PPP2R5E: variants seen among roughly 807,000 people sequenced by gnomAD.
The protein encoded by PPP2R5E is protein phosphatase 2 regulatory subunit B'epsilon.
In PPP2R5E, 4 loss-of-function variants were observed where a neutral mutation model predicts 65.3. That is an observed-to-expected ratio of 0.06 (90% CI 0.03 to 0.14). The LOEUF (loss-of-function observed/expected upper bound fraction) is 0.14, where lower values mean the gene tolerates loss of function less well. Among genes scored for constraint, PPP2R5E ranks in the 10% least tolerant of loss-of-function variants. The probability of loss-of-function intolerance (pLI) is 1.00; values close to 1 mark genes in which losing one functional copy is unlikely to be tolerated. For synonymous variants in PPP2R5E, 183 were observed against 187.4 expected (o/e 0.98, Z 0.19); for missense variants, 274 against 556.1 (o/e 0.49, Z 5.10).
At chr14:63,480,923 G>A (rs1358917597) in intron 2 of PPP2R5E, among the ~76,000 whole-genome samples, 1 of 152,098 alleles carries the variant, frequency 6.6e-6, no homozygotes, top group East Asian at 1.9e-4. Context: ...TTCCCTCCCT[G>A]TCACCAAACA....
chr14:63,409,244 CAAAT>C (rs1236848826), intron 5 of PPP2R5E, among the ~76,000 whole-genome samples: 1 of 148,694 alleles, frequency 6.7e-6, no homozygotes, highest in Non-Finnish European at 1.5e-5. Context: ...AAAAAACAAT[CAAAT>C]AAACAAAAAA....
chr14:63,448,714 C>T (rs920728617), intron 3 of PPP2R5E, among the ~76,000 whole-genome samples: 4 of 147,142 alleles, frequency 2.7e-5, no homozygotes, highest in East Asian at 2.1e-4. Context: ...GCTTAAACCC[C>T]GGAGGCGGGA....
intron 2 of PPP2R5E, among the ~76,000 whole-genome samples, chr14:63,474,706 A>G (rs557472661): frequency 9.3e-4 from 140 of 150,474 alleles, no homozygotes; most frequent in African/African-American, 3.3e-3. Context: ...AAAAACAAGA[A>G]GAAGAAAAGC....
intron 2 of PPP2R5E, among the ~76,000 whole-genome samples, chr14:63,459,430 G>A (rs896354212): frequency 3.9e-5 from 6 of 152,050 alleles, no homozygotes; most frequent in African/African-American, 9.7e-5. Flanking sequence ...TCCTCAAAAC[G>A]AGGAGACAAC....
At chr14:63,409,213 A>C (rs945682815) in intron 5 of PPP2R5E, among the ~76,000 whole-genome samples, 1 of 152,144 alleles carries the variant, frequency 6.6e-6, no homozygotes, top group Non-Finnish European at 1.5e-5. Context: ...AGCCTGGGTG[A>C]CAGAGCAAGA....
chr14:63,412,586 G>A (rs529922158), intron 5 of PPP2R5E, among the ~76,000 whole-genome samples: 18 of 152,292 alleles, frequency 1.2e-4, no homozygotes, highest in African/African-American at 2.2e-4. Context: ...CGAAGAACTC[G>A]GTCTAGAGGA....
intron 2 of PPP2R5E, among the ~76,000 whole-genome samples, chr14:63,489,675 A>G (rs1891191671): frequency 6.6e-6 from 1 of 152,056 alleles, no homozygotes. Context: ...TCCAAAATGC[A>G]GGAATTACAG....
intron 2 of PPP2R5E, among the ~76,000 whole-genome samples, chr14:63,521,974 C>T (rs1488780955): frequency 7.6e-6 from 1 of 131,300 alleles, no homozygotes; most frequent in South Asian, 2.4e-4. Flanking sequence ...CCTCTCCCCA[C>T]GGTCTCCCTC....
At chr14:63,407,923 T>A (rs1315755255) in intron 5 of PPP2R5E, among the ~76,000 whole-genome samples, 1 of 152,250 alleles carries the variant, frequency 6.6e-6, no homozygotes, top group Non-Finnish European at 1.5e-5. Context: ...GATCTTGAAC[T>A]TCCCAGCCTC....
chr14:63,534,390 G>T (rs1480096025), intron 2 of PPP2R5E, among the ~76,000 whole-genome samples: 1 of 151,806 alleles, frequency 6.6e-6, no homozygotes, highest in Non-Finnish European at 1.5e-5. Flanking sequence ...TCAGCCTCCT[G>T]AGTAGCTGGG....
At chr14:63,417,864 A>C (rs578171373) in intron 4 of PPP2R5E, among the ~76,000 whole-genome samples, 2 of 152,294 alleles carry the variant, frequency 1.3e-5, no homozygotes, top group East Asian at 3.9e-4. Flanking sequence ...AGGACAAATC[A>C]TATATACAGC....
intron 3 of PPP2R5E, among the ~76,000 whole-genome samples, chr14:63,433,919 A>G (rs1334030964): frequency 2.0e-5 from 3 of 152,146 alleles, no homozygotes; most frequent in Non-Finnish European, 4.4e-5. Flanking sequence ...TCTCTGATGG[A>G]CCAAGGTAGT....
intron 2 of PPP2R5E, among the ~76,000 whole-genome samples, chr14:63,527,717 C>T (rs1220454000): frequency 6.6e-6 from 1 of 152,096 alleles, no homozygotes; most frequent in East Asian, 1.9e-4. Context: ...GGGCGAATCA[C>T]ACGGTCAGGA....
chr14:63,407,207 C>CA (rs1886137759), intron 5 of PPP2R5E, among the ~76,000 whole-genome samples: 1 of 151,706 alleles, frequency 6.6e-6, no homozygotes, highest in South Asian at 2.1e-4. Context: ...AGGTCGAATA[C>CA]AAAAAAAATG....
chr14:63,469,417 G>A (rs1890000828), intron 2 of PPP2R5E, among the ~76,000 whole-genome samples: 1 of 152,228 alleles, frequency 6.6e-6, no homozygotes, highest in Non-Finnish European at 1.5e-5. Flanking sequence ...AAGTGGCCGG[G>A]CGCGGTGGCT....
intron 3 of PPP2R5E, chr14:63,453,446 T>C: frequency 3.4e-6 from 1 of 297,280 alleles, no homozygotes; most frequent in Middle Eastern, 9.1e-4. Context: ...CTGGCAATCT[T>C]GGCTTCATAT....
At chr14:63,486,401 T>C (rs1890999745) in intron 2 of PPP2R5E, among the ~76,000 whole-genome samples, 2 of 151,930 alleles carry the variant, frequency 1.3e-5, no homozygotes, top group Admixed American at 6.6e-5. Flanking sequence ...GCACAAATGG[T>C]AGGTTCCCTA....
chr14:63,454,598 C>T (rs1397231836), intron 2 of PPP2R5E, among the ~76,000 whole-genome samples: 1 of 152,144 alleles, frequency 6.6e-6, no homozygotes, highest in Non-Finnish European at 1.5e-5. Context: ...GCTCTTTTCC[C>T]GCAAACAGCA....
At chr14:63,495,113 C>G (rs1255618) in intron 2 of PPP2R5E, among the ~76,000 whole-genome samples, 49,537 of 150,658 alleles carry the variant, frequency 0.33, 12,239 homozygotes, top group African/African-American at 0.7. Flanking sequence ...TGAGGCAGGA[C>G]AATCACTTGA....
Sources: allele counts gnomAD v4.1 joint callset (sites outside exome capture counted in the v4.1 genomes callset), GRCh38; gene constraint gnomAD v4.1.1; transcripts MANE v1.5; gene names NCBI Gene and HGNC (gene_info 2026-07-23, HGNC 2026-07-21).